TEK: variants seen among roughly 807,000 people sequenced by gnomAD.
TEK encodes TEK receptor tyrosine kinase, also known as angiopoietin-1 receptor.
TEK carries 43 observed loss-of-function variants against 131.8 expected under a neutral mutation model. That is an observed-to-expected ratio of 0.33 (90% CI 0.26 to 0.42). TEK has a LOEUF of 0.42. Ranked by LOEUF, TEK falls within the 10% of genes least tolerant of loss-of-function variation. The probability of loss-of-function intolerance (pLI) is 1.00; values close to 1 mark genes in which losing one functional copy is unlikely to be tolerated. For missense variants in TEK, 1,162 were observed against 1,384.4 expected (o/e 0.84, Z 2.55); for synonymous variants, 580 against 491.6 (o/e 1.18, Z -2.38).
In TEK at chr9:27,216,292, ATTG is replaced by A. The variant is rs544874578; in HGVS notation, c.2992-1391_2992-1389del. On this transcript the variant is annotated intron_variant, in intron 18 of 22. Transcript: ENST00000380036. ...CAGTTAGGCAGAGAGACCAGGAGAG[ATTG>A]TTGTCATCAGGTGTGGTATGATGGT... 1.1e-3 allele frequency among the ~76,000 whole-genome samples: 171 copies of A among 152,272 alleles called. 1 individual carries two copies. Among genetic ancestry groups the A allele is most frequent in the Non-Finnish European group, 1.4e-3 (94 of 68,022 alleles).
intron 19 of TEK, among the ~76,000 whole-genome samples, chr9:27,218,230 C>T (rs1825901193): frequency 1.5e-5 from 2 of 132,892 alleles, no homozygotes; most frequent in African/African-American, 2.9e-5. Context: ...CCTTGTACCC[C>T]ATTTCCAGGA....
chr9:27,173,133 A>G, intron 5 of TEK, 89 bp from the exon 6 acceptor site: 3 of 1,540,982 alleles, frequency 1.9e-6, no homozygotes, highest in Admixed American at 3.5e-5. Context: ...TCCCATATTC[A>G]CTAGACTAGG....
chr9:27,192,839 C>G (rs544808662), intron 11 of TEK, among the ~76,000 whole-genome samples: 1 of 152,144 alleles, frequency 6.6e-6, no homozygotes, highest in African/African-American at 2.4e-5. Flanking sequence ...TGGTCTGTCT[C>G]CCTGGGGGAG....
intron 2 of TEK, among the ~76,000 whole-genome samples, chr9:27,164,371 G>C (rs1183111424): frequency 1.3e-5 from 2 of 149,832 alleles, no homozygotes; most frequent in Admixed American, 1.3e-4. Context: ...TGAGGCTGGA[G>C]TGCAGTGGCG....
chr9:27,204,101 A>G (rs965849419), intron 13 of TEK, among the ~76,000 whole-genome samples: 3 of 152,212 alleles, frequency 2.0e-5, no homozygotes, highest in Non-Finnish European at 4.4e-5. Context: ...CAAGCTATAC[A>G]TAAAATACCA....
chr9:27,161,613 G>A (rs905564941), intron 2 of TEK, among the ~76,000 whole-genome samples: 7 of 152,134 alleles, frequency 4.6e-5, no homozygotes, highest in Non-Finnish European at 1.0e-4. Context: ...CTTAATGTTA[G>A]CAACTCTCCC....
chr9:27,166,012 G>C (rs966004434), intron 2 of TEK, among the ~76,000 whole-genome samples: 3 of 152,256 alleles, frequency 2.0e-5, no homozygotes, highest in African/African-American at 7.2e-5. Context: ...CACAGCGCTT[G>C]ATTAGTCTTT....
At chr9:27,165,791 C>G (rs1283395242) in intron 2 of TEK, among the ~76,000 whole-genome samples, 1 of 152,210 alleles carries the variant, frequency 6.6e-6, no homozygotes, top group Non-Finnish European at 1.5e-5. Context: ...CCCGTGCTCT[C>G]TCTGGGTTTG....
At chr9:27,141,067 T>C (rs1822705670) in intron 1 of TEK, among the ~76,000 whole-genome samples, 1 of 152,166 alleles carries the variant, frequency 6.6e-6, no homozygotes, top group South Asian at 2.1e-4. Context: ...ACAAGCATCA[T>C]CTTGGAAGAT....
intron 10 of TEK, chr9:27,192,002 G>A (rs1460824368): frequency 4.4e-6 from 2 of 451,934 alleles, no homozygotes; most frequent in East Asian, 1.4e-4. Context: ...TTGTTTATGG[G>A]TGCTATTTTC....
At chr9:27,216,116 T>C (rs1365831481) in intron 18 of TEK, among the ~76,000 whole-genome samples, 2 of 152,166 alleles carry the variant, frequency 1.3e-5, no homozygotes, top group African/African-American at 2.4e-5. Context: ...GATAAAGTCC[T>C]GAAGGGCCTT....
At chr9:27,222,960 C>G (rs1449720686) in intron 21 of TEK, among the ~76,000 whole-genome samples, 1 of 152,014 alleles carries the variant, frequency 6.6e-6, no homozygotes, top group Non-Finnish European at 1.5e-5. Context: ...TAAAAAAAAG[C>G]AGGGGTTGCA....
intron 14 of TEK, among the ~76,000 whole-genome samples, chr9:27,205,924 T>G (rs686256): frequency 1.3e-5 from 2 of 152,074 alleles, no homozygotes; most frequent in East Asian, 3.9e-4. Flanking sequence ...GCTGGCTCAA[T>G]TCAGGCTGTC....
chr9:27,202,551 G>T (rs188479581), intron 12 of TEK, among the ~76,000 whole-genome samples: 1 of 152,192 alleles, frequency 6.6e-6, no homozygotes, highest in Non-Finnish European at 1.5e-5. Context: ...ATCAAGAATA[G>T]TAAGTACAGG....
At chr9:27,227,463 A>G (rs906623470) in intron 21 of TEK, among the ~76,000 whole-genome samples, 1 of 152,204 alleles carries the variant, frequency 6.6e-6, no homozygotes, top group Admixed American at 6.5e-5. Flanking sequence ...TACCATAAAC[A>G]TGGTGGCTTA....
intron 21 of TEK, among the ~76,000 whole-genome samples, chr9:27,222,356 C>G (rs1335679389): frequency 6.6e-6 from 1 of 152,098 alleles, no homozygotes; most frequent in Non-Finnish European, 1.5e-5. Context: ...TCACAAAATA[C>G]AGAGACCACC....
At chr9:27,205,609 C>T (rs1825372286) in intron 14 of TEK, among the ~76,000 whole-genome samples, 2 of 152,216 alleles carry the variant, frequency 1.3e-5, no homozygotes, top group South Asian at 2.1e-4. Context: ...AGTCAGAGTT[C>T]CTGGCACTTG....
intron 21 of TEK, among the ~76,000 whole-genome samples, chr9:27,220,808 G>A (rs534632106): frequency 1.6e-4 from 25 of 152,226 alleles, no homozygotes; most frequent in Non-Finnish European, 3.5e-4. Context: ...TCCCTCTGGT[G>A]CCTATGCCAA....
chr9:27,175,242 G>T (rs1340067226), intron 6 of TEK, among the ~76,000 whole-genome samples: 2 of 149,128 alleles, frequency 1.3e-5, no homozygotes, highest in Non-Finnish European at 3.0e-5. Flanking sequence ...ACGGTGTTTG[G>T]TTTTTTGTCC....
Sources: allele counts gnomAD v4.1 joint callset (sites outside exome capture counted in the v4.1 genomes callset), GRCh38; gene constraint gnomAD v4.1.1; transcripts MANE v1.5; gene names NCBI Gene and HGNC (gene_info 2026-07-23, HGNC 2026-07-21).